HECW2: variants seen among roughly 807,000 people sequenced by gnomAD.
HECW2 encodes the protein E3 ubiquitin-protein ligase HECW2.
Under a neutral mutation model 175.2 loss-of-function variants are expected in HECW2, and 61 were observed. The observed-to-expected ratio is 0.35, with a 90% CI of 0.28 to 0.43. HECW2 has a LOEUF of 0.43. Among genes scored for constraint, HECW2 ranks in the 20% least tolerant of loss-of-function variants. The pLI is 1.00. For synonymous variants in HECW2, 671 were observed against 731.0 expected (o/e 0.92, Z 1.32); for missense variants, 1,524 against 2,000.5 (o/e 0.76, Z 4.54).
chr2:196,255,309 T>A (rs910724059), intron 18 of HECW2, among the ~76,000 whole-genome samples: 1 of 152,038 alleles, frequency 6.6e-6, no homozygotes, highest in Non-Finnish European at 1.5e-5. Flanking sequence ...TTGTTTTACA[T>A]GTTGTAAATC....
At chr2:196,562,954 G>A (rs1247753604) in intron 1 of HECW2, among the ~76,000 whole-genome samples, 1 of 152,066 alleles carries the variant, frequency 6.6e-6, no homozygotes, top group Non-Finnish European at 1.5e-5. Flanking sequence ...AAGGTGGAAG[G>A]ATAGCTTGAG....
intron 1 of HECW2, among the ~76,000 whole-genome samples, chr2:196,483,616 A>G (rs1483509320): frequency 6.6e-6 from 1 of 152,216 alleles, no homozygotes; most frequent in Non-Finnish European, 1.5e-5. Context: ...TATAAGTCTT[A>G]CCAAAAATAT....
intron 1 of HECW2, among the ~76,000 whole-genome samples, chr2:196,472,616 T>C (rs1262029761): frequency 1.3e-5 from 2 of 152,032 alleles, no homozygotes; most frequent in African/African-American, 4.8e-5. Context: ...GACTTTTTTT[T>C]CTTTTTCTTT....
rs1319469342 is a variant in HECW2, at chr2:196,319,914, A to T, written c.986-10T>A. 1 of 1,564,504 alleles carries T rather than the reference A, an allele frequency of 6.4e-7. No homozygotes were observed. Among genetic ancestry groups the T allele is most frequent in the African/African-American group, 1.4e-5 (1 of 72,834 alleles). On this transcript the variant is annotated splice_polypyrimidine_tract_variant and intron_variant, in intron 8 of 28. Transcript: ENST00000644978. Reference sequence around the variant, plus strand: ...GCTTCTGGAGAGGCATCTGAATGAGAAAACAGCATTTCTAAAAAATTAACC... The same window carrying T: ...GCTTCTGGAGAGGCATCTGAATGAGTAAACAGCATTTCTAAAAAATTAACC...
At position 196,220,032 on chromosome 2, in the gene HECW2, A is replaced by T. The variant is rs1383839867; in HGVS notation, c.4408+7T>A. ...TAAAATCTAGCCATCTATAAATCAA[A>T]TTTCACCTCCTCTATATTCTGTGTT... On this transcript the variant is annotated splice_region_variant and intron_variant, in intron 26 of 28. Transcript: ENST00000644978. The T allele has an allele frequency of 6.4e-7, 1 of 1,561,522 alleles. No homozygotes were observed. The highest frequency in any genetic ancestry group is 1.7e-5 in the Admixed American group (1 of 59,802).
chr2:196,288,622 T>C (rs1293831397), intron 14 of HECW2: 5 of 152,200 alleles, frequency 3.3e-5, no homozygotes, highest in Admixed American at 3.3e-4. Context: ...AGAGTAAAGA[T>C]TCATCAATTA....
chr2:196,494,739 C>T (rs114518914), intron 1 of HECW2, among the ~76,000 whole-genome samples: 2,552 of 152,310 alleles, frequency 0.017, 72 homozygotes, highest in African/African-American at 0.059. Context: ...ATGTATAACT[C>T]TTTAGGTGAC....
At chr2:196,398,711 T>C (rs1306027215) in intron 2 of HECW2, among the ~76,000 whole-genome samples, 1 of 152,240 alleles carries the variant, frequency 6.6e-6, no homozygotes, top group Non-Finnish European at 1.5e-5. Context: ...CTATGAATCT[T>C]CTGATACCTT....
At chr2:196,203,801 A>G (rs115524876) in intron 28 of HECW2, among the ~76,000 whole-genome samples, 447 of 152,276 alleles carry the variant, frequency 2.9e-3, no homozygotes, top group Non-Finnish European at 4.9e-3. Context: ...AACCATCATC[A>G]CTATCCATCT....
At chr2:196,265,184 T>C (rs1689462013) in intron 17 of HECW2, among the ~76,000 whole-genome samples, 1 of 152,050 alleles carries the variant, frequency 6.6e-6, no homozygotes, top group Non-Finnish European at 1.5e-5. Flanking sequence ...ATAAACAAAT[T>C]AATAGTTGAA....
chr2:196,209,985 C>T (rs11687028), intron 28 of HECW2, among the ~76,000 whole-genome samples: 1 of 151,876 alleles, frequency 6.6e-6, no homozygotes, highest in Non-Finnish European at 1.5e-5. Context: ...GGATGGTCTC[C>T]ATCTCCTGAC....
At chr2:196,468,979 C>T (rs1417806131) in intron 1 of HECW2, among the ~76,000 whole-genome samples, 2 of 152,040 alleles carry the variant, frequency 1.3e-5, no homozygotes, top group East Asian at 1.9e-4. Flanking sequence ...TACACTATAT[C>T]GTGATGGAAG....
chr2:196,239,005 T>A (rs1404318295), intron 21 of HECW2: 1 of 152,262 alleles, frequency 6.6e-6, no homozygotes, highest in Non-Finnish European at 1.5e-5. Context: ...AAAAGTATTC[T>A]CATCCAAACC....
chr2:196,231,960 G>A (rs1688075708), intron 21 of HECW2, among the ~76,000 whole-genome samples: 1 of 152,132 alleles, frequency 6.6e-6, no homozygotes, highest in Non-Finnish European at 1.5e-5. Flanking sequence ...CTGCACTCCA[G>A]CCTGGGTGAC....
intron 28 of HECW2, among the ~76,000 whole-genome samples, chr2:196,212,239 T>A (rs1687316745): frequency 6.6e-6 from 1 of 152,182 alleles, no homozygotes. Flanking sequence ...TGTGCAAGTT[T>A]GTTATAGAGG....
chr2:196,360,200 T>C (rs1575460074), intron 2 of HECW2, among the ~76,000 whole-genome samples: 1 of 152,332 alleles, frequency 6.6e-6, no homozygotes. Flanking sequence ...TCTGGGTATA[T>C]ACCCAAAACA....
chr2:196,421,983 G>C (rs1037338650), intron 2 of HECW2, among the ~76,000 whole-genome samples: 3 of 152,104 alleles, frequency 2.0e-5, no homozygotes, highest in African/African-American at 7.2e-5. Context: ...CATATTAAAA[G>C]GAAGATCCGT....
Position 196,320,343 on chromosome 2 carries a change from A to G in HECW2, c.981T>C (p.His327=). Residue 327 remains histidine (H), a synonymous_variant, in exon 8 of 29, where the codon CAT becomes CAC. Coordinates refer to ENST00000644978, the MANE Select transcript of HECW2 (RefSeq NM_001348768.2). ...ACAGATATATTTATATCTCACCTTC[A>G]TGAACAGAAGACGTAACCTCCACTT... ...QFKVEVTSSV[H]EDASPEAVGT... 1 of 1,594,562 alleles carries G rather than the reference A, an allele frequency of 6.3e-7. No homozygotes were observed. Among genetic ancestry groups the G allele is most frequent in the Non-Finnish European group, 8.6e-7 (1 of 1,163,200 alleles).
intron 1 of HECW2, among the ~76,000 whole-genome samples, chr2:196,447,010 C>G (rs939357280): frequency 2.6e-5 from 4 of 152,144 alleles, no homozygotes; most frequent in African/African-American, 9.7e-5. Flanking sequence ...TTTATGAGAT[C>G]CCCAATGAGG....
Sources: allele counts gnomAD v4.1 joint callset (sites outside exome capture counted in the v4.1 genomes callset), GRCh38; gene constraint gnomAD v4.1.1; transcripts MANE v1.5; gene names NCBI Gene and HGNC (gene_info 2026-07-23, HGNC 2026-07-21).